The following NEK7 variants were observed in gnomAD, a reference collection of about 807,000 sequenced individuals.
NEK7 encodes serine/threonine-protein kinase Nek7.
Under a neutral mutation model 44.6 loss-of-function variants are expected in NEK7, and 18 were observed. The observed-to-expected ratio is 0.40, with a 90% CI of 0.28 to 0.60. NEK7 has a LOEUF of 0.60. NEK7 is among the 20% of genes least tolerant of loss of function. NEK7 has a pLI of 0.38. For synonymous variants in NEK7, 130 were observed against 121.1 expected (o/e 1.07, Z -0.48); for missense variants, 256 against 366.5 (o/e 0.70, Z 2.46).
chr1:198,220,116 A>G (rs745344275), intron 1 of NEK7, among the ~76,000 whole-genome samples: 11 of 151,962 alleles, frequency 7.2e-5, no homozygotes, highest in Non-Finnish European at 1.3e-4. Flanking sequence ...CCTTTTCACT[A>G]TTTATTAATT....
chr1:198,198,966 G>A (rs1665330633), intron 1 of NEK7, among the ~76,000 whole-genome samples: 2 of 152,226 alleles, frequency 1.3e-5, no homozygotes, highest in South Asian at 4.1e-4. Flanking sequence ...TACTGCTTAT[G>A]TGGGGGGCTA....
Position 198,282,686 on chromosome 1 carries a change from TGTG to T in NEK7, c.589+3635_589+3637del, listed in dbSNP as rs201842249. Among the ~76,000 whole-genome samples the T allele has an allele frequency of 6.4e-3, 977 of 152,206 alleles. 15 individuals carry two copies. The highest frequency in any genetic ancestry group is 0.023 in the African/African-American group (951 of 41,548). On this transcript the variant is annotated intron_variant, in intron 7 of 9. Coordinates refer to ENST00000367385, the MANE Select transcript of NEK7 (RefSeq NM_133494.3). The stretch of plus-strand genomic sequence containing the variant: ...TGAACTGTATAAATGTTCAATTGCT[TGTG>T]GTGGTGGTGAAGTGATGAAGATGCA...
In NEK7 at chr1:198,163,212, T is replaced by TA. The variant is rs754579213; in HGVS notation, c.-29+5937dup. Among the ~76,000 whole-genome samples the TA allele has an allele frequency of 6.6e-5, 10 of 152,234 alleles. No individual in the cohort carries two copies. In the South Asian group the frequency reaches 1.4e-3, roughly 22 times the overall value. On this transcript the variant is annotated intron_variant, in intron 1 of 9. Coordinates refer to ENST00000367385, the MANE Select transcript of NEK7 (RefSeq NM_133494.3). Reference sequence around the variant, plus strand: ...TGGACCATATAGTAAAGTGATATGATACCGGCACAGTGGCTCATACTTGTA... The same window carrying TA: ...TGGACCATATAGTAAAGTGATATGATAACCGGCACAGTGGCTCATACTTGTA...
intron 7 of NEK7, among the ~76,000 whole-genome samples, chr1:198,287,670 TGA>T (rs1375862486): frequency 1.3e-5 from 2 of 152,092 alleles, no homozygotes; most frequent in Non-Finnish European, 2.9e-5. Context: ...TGTTTGTGTG[TGA>T]GTTTACTTGT....
intron 1 of NEK7, among the ~76,000 whole-genome samples, chr1:198,185,880 G>C (rs936617412): frequency 2.6e-5 from 4 of 152,198 alleles, no homozygotes; most frequent in Non-Finnish European, 5.9e-5. Flanking sequence ...TTGTCTTCCA[G>C]ATTAGTTGTC....
At chr1:198,210,845 C>T (rs1415575784) in intron 1 of NEK7, among the ~76,000 whole-genome samples, 7 of 147,714 alleles carry the variant, frequency 4.7e-5, no homozygotes, top group Non-Finnish European at 7.4e-5. Context: ...CTCCGCCTCC[C>T]GGGTTCACGC....
intron 1 of NEK7, among the ~76,000 whole-genome samples, chr1:198,229,443 A>C (rs4319372): frequency 0.14 from 21,004 of 152,222 alleles, 2,119 homozygotes; most frequent in East Asian, 0.57. Flanking sequence ...GGGAACCCCA[A>C]CTTGACGTGG....
intron 1 of NEK7, among the ~76,000 whole-genome samples, chr1:198,208,913 GA>G (rs1326228194): frequency 6.6e-6 from 1 of 151,888 alleles, no homozygotes; most frequent in Non-Finnish European, 1.5e-5. Flanking sequence ...ACAGTCAGTG[GA>G]AAAAACATGC....
chr1:198,179,496 G>A (rs190362104), intron 1 of NEK7, among the ~76,000 whole-genome samples: 1 of 152,006 alleles, frequency 6.6e-6, no homozygotes, highest in Non-Finnish European at 1.5e-5. Context: ...ACAGTAAGGT[G>A]GTATAATACT....
Position 198,232,612 on chromosome 1 carries a change from C to T in NEK7, c.32C>T (p.Pro11Leu), listed in dbSNP as rs1373108454. 1 of 1,605,774 alleles carries T rather than the reference C, an allele frequency of 6.2e-7. No homozygotes were observed. Among genetic ancestry groups the T allele is most frequent in the South Asian group, 1.1e-5 (1 of 90,866 alleles). The change falls in exon 2 of 10, where the codon CCA (proline) becomes CTA (leucine). Residue 11 changes from proline to leucine, a missense_variant. Pro to Leu is a moderately conservative substitution (Grantham distance 98). Around this residue, in one of 3 missense-constraint regions of NEK7, gnomAD observed 96 missense variants for 94.9 expected, o/e 1.01. Coordinates refer to ENST00000367385, the MANE Select transcript of NEK7 (RefSeq NM_133494.3). MDEQSQGMQGPPVPQFQPQKA... is the reference protein window; with the variant it reads MDEQSQGMQGLPVPQFQPQKA... ...GAGCAATCACAAGGAATGCAAGGGC[C>T]ACCTGTTCCTCAGTTCCAACCACAG...
intron 9 of NEK7, among the ~76,000 whole-genome samples, chr1:198,314,748 G>T (rs1413852015): frequency 6.6e-6 from 1 of 152,198 alleles, no homozygotes; most frequent in Non-Finnish European, 1.5e-5. Flanking sequence ...GCTGCTCAGG[G>T]GTCAGGGGTC....
chr1:198,174,449 G>A (rs1664542243), intron 1 of NEK7, among the ~76,000 whole-genome samples: 1 of 152,032 alleles, frequency 6.6e-6, no homozygotes, highest in South Asian at 2.1e-4. Flanking sequence ...GGGGGAGGAA[G>A]GCAGTGAGTT....
chr1:198,158,372 C>T (rs563318022), intron 1 of NEK7, among the ~76,000 whole-genome samples: 1 of 152,226 alleles, frequency 6.6e-6, no homozygotes, highest in South Asian at 2.1e-4. Context: ...CCTAATGTAC[C>T]CATCATAATG....
At chr1:198,189,360 T>G (rs993838885) in intron 1 of NEK7, among the ~76,000 whole-genome samples, 2 of 152,196 alleles carry the variant, frequency 1.3e-5, no homozygotes, top group Middle Eastern at 3.2e-3. Context: ...AAGTTCATAT[T>G]TATTTGCATC....
chr1:198,278,402 T>A (rs1654087804), intron 6 of NEK7, among the ~76,000 whole-genome samples: 1 of 151,630 alleles, frequency 6.6e-6, no homozygotes, highest in Admixed American at 6.6e-5. Flanking sequence ...ATATTCAGTA[T>A]TAGCTCAGCA....
intron 5 of NEK7, among the ~76,000 whole-genome samples, chr1:198,272,618 C>G (rs1047167624): frequency 6.6e-6 from 1 of 151,766 alleles, no homozygotes; most frequent in African/African-American, 2.4e-5. Context: ...ACTGACTGTT[C>G]TTTTTAATCT....
At chr1:198,315,097 G>A (rs1342199525) in intron 9 of NEK7, among the ~76,000 whole-genome samples, 1 of 152,190 alleles carries the variant, frequency 6.6e-6, no homozygotes, top group African/African-American at 2.4e-5. Flanking sequence ...CTCCATGGGC[G>A]TAGGACCCTC....
At chr1:198,184,128 T>C (rs1489173856) in intron 1 of NEK7, among the ~76,000 whole-genome samples, 1 of 152,214 alleles carries the variant, frequency 6.6e-6, no homozygotes. Flanking sequence ...TGTTTTGTTA[T>C]TACTGCTGTA....
At chr1:198,270,064 A>G (rs987344631) in intron 5 of NEK7, among the ~76,000 whole-genome samples, 1 of 151,982 alleles carries the variant, frequency 6.6e-6, no homozygotes, top group African/African-American at 2.4e-5. Context: ...TCACTATTCT[A>G]ATGTCAAGAA....
Sources: gnomAD v4.1 joint callset for allele counts (sites outside exome capture counted in the v4.1 genomes callset) on GRCh38, gnomAD v4.1.1 for gene constraint, gnomAD v4.1.1 regional missense constraint, MANE v1.5 for transcripts, NCBI Gene and HGNC (gene_info 2026-07-23, HGNC 2026-07-21) for gene names.